Variants in CNN1 observed in about 807,000 individuals in gnomAD.
The protein encoded by CNN1 is calponin-1.
Under a neutral mutation model 35.3 loss-of-function variants are expected in CNN1, and 21 were observed. That is an observed-to-expected ratio of 0.60 (90% CI 0.42 to 0.86). The LOEUF (loss-of-function observed/expected upper bound fraction) is 0.86, where lower values mean the gene tolerates loss of function less well. Among genes scored for constraint, CNN1 ranks in the 40% least tolerant of loss-of-function variants. The probability of loss-of-function intolerance (pLI) is 0.00; values close to 1 mark genes in which losing one functional copy is unlikely to be tolerated. For missense variants in CNN1, 314 were observed against 400.8 expected (o/e 0.78, Z 1.85); for synonymous variants, 164 against 161.8 (o/e 1.01, Z -0.10).
intron 1 of CNN1, chr19:11,540,211 A>C: frequency 3.2e-6 from 1 of 311,280 alleles, no homozygotes; most frequent in Non-Finnish European, 4.7e-6. Flanking sequence ...AGACAGAGAT[A>C]CTGGGAGCCT....
chr19:11,541,153 C>T lies in CNN1; in HGVS notation c.141C>T (p.Gly47=). 1 of 1,606,486 alleles carries T rather than the reference C, an allele frequency of 6.2e-7. No individual in the cohort carries two copies. Among genetic ancestry groups the T allele is most frequent in the Non-Finnish European group, 8.5e-7 (1 of 1,176,186 alleles). The part of the protein sequence containing the change: ...WIEGVTGRRI[G]NNFMDGLKDG... ...AGGGGGTGACAGGCCGTCGCATCGG[C>T]AACAACTTCATGGACGGCCTCAAAG... is the stretch of plus-strand genomic sequence containing the variant. The change falls in exon 2 of 7, where the codon GGC becomes GGT. Residue 47 remains glycine, a synonymous_variant. Coordinates refer to ENST00000252456, the MANE Select transcript of CNN1 (RefSeq NM_001299.6).
At chr19:11,547,720 A>G in intron 4 of CNN1, 77 bp from the exon 5 acceptor site, 2 of 1,206,812 alleles carry the variant, frequency 1.7e-6, no homozygotes, top group South Asian at 1.4e-5. Flanking sequence ...GTCAACAACA[A>G]CAAAAAAACA....
chr19:11,544,550 C>G (rs1972538323), intron 2 of CNN1, among the ~76,000 whole-genome samples: 1 of 151,976 alleles, frequency 6.6e-6, no homozygotes, highest in Admixed American at 6.6e-5. Context: ...TAGCTCACTA[C>G]AGCCTCGACT....
chr19:11,540,590 C>T (rs972539173), intron 1 of CNN1: 3 of 154,402 alleles, frequency 1.9e-5, no homozygotes, highest in African/African-American at 7.3e-5. Flanking sequence ...GAGCTGAAGA[C>T]CTGGGGGACA....
chr19:11,546,550 A>G (rs557360782), intron 2 of CNN1, 125 bp from the exon 3 acceptor site: 143 of 910,182 alleles, frequency 1.6e-4, no homozygotes, highest in East Asian at 1.5e-3. Context: ...TGGCCAGGAT[A>G]GTCTCGCTCT....
intron 1 of CNN1, 86 bp downstream of exon 1, chr19:11,539,076 C>A: frequency 8.1e-7 from 1 of 1,227,332 alleles, no homozygotes; most frequent in Non-Finnish European, 1.1e-6. Flanking sequence ...CCCCCTCCTG[C>A]CTATCCTATG....
chr19:11,539,727 T>G, intron 1 of CNN1: 1 of 851,450 alleles, frequency 1.2e-6, no homozygotes, highest in Non-Finnish European at 1.7e-6. Context: ...ACACTGAGGC[T>G]CAGGGTGGCT....
chr19:11,543,166 C>T (rs561020938), intron 2 of CNN1, among the ~76,000 whole-genome samples: 24 of 152,064 alleles, frequency 1.6e-4, no homozygotes, highest in African/African-American at 5.1e-4. Context: ...GGCAACATAG[C>T]CAGATTCCAT....
At chr19:11,547,559 C>T (rs1191358717) in intron 4 of CNN1, among the ~76,000 whole-genome samples, 2 of 151,870 alleles carry the variant, frequency 1.3e-5, no homozygotes, top group African/African-American at 4.8e-5. Context: ...AACTACAAAA[C>T]AAAATTAGCC....
intron 2 of CNN1, among the ~76,000 whole-genome samples, chr19:11,542,815 C>T (rs1279746460): frequency 6.6e-6 from 1 of 152,120 alleles, no homozygotes; most frequent in African/African-American, 2.4e-5. Flanking sequence ...ACCTTGTGAT[C>T]CACCCACCTC....
intron 2 of CNN1, among the ~76,000 whole-genome samples, chr19:11,541,576 GGTTTTCTTTCT>G (rs1489293287): frequency 2.6e-5 from 4 of 151,958 alleles, no homozygotes; most frequent in Non-Finnish European, 5.9e-5. Context: ...AGGAGGCCCT[GGTTTTCTTTCT>G]GTTTTCTTTT....
In CNN1 at chr19:11,546,904, A is replaced by C. The variant is rs754111847; in HGVS notation, c.325A>C (p.Asn109His). The change falls in exon 4 of 7, where the codon AAC becomes CAC. Residue 109 changes from asparagine (N) to histidine (H), a missense_variant. Physicochemically the swap from Asn to His is moderately conservative, Grantham distance 68. Coordinates refer to ENST00000252456, the MANE Select transcript of CNN1 (RefSeq NM_001299.6). ...GAAGCCCCACGACATTTTTGAGGCCAACGACCTGTTTGAGAACACCAACCA... is the reference window on the plus strand; with the variant it reads ...GAAGCCCCACGACATTTTTGAGGCCCACGACCTGTTTGAGAACACCAACCA... The part of the protein sequence containing the change: ...GVKPHDIFEA[N>H]DLFENTNHTQ... 6.8e-6 allele frequency: 11 copies of C among 1,614,134 alleles called. No homozygotes were observed. Among genetic ancestry groups the C allele is most frequent in the South Asian group, 3.3e-5 (3 of 91,092 alleles).
At chr19:11,539,607 C>A in intron 1 of CNN1, 1 of 778,714 alleles carries the variant, frequency 1.3e-6, no homozygotes, top group African/African-American at 1.8e-5. Flanking sequence ...CCCCATACAC[C>A]AGGATGGGCT....
Position 11,538,869 on chromosome 19 carries a change from G to T in CNN1, c.-59G>T, listed in dbSNP as rs1972396552. 2.9e-6 allele frequency: 4 copies of T among 1,393,092 alleles called. No individual in the cohort carries two copies. The Admixed American group carries it at 1.0e-4, about 35-fold the overall frequency. 86.3% of individuals were successfully genotyped at this position (1,393,092 alleles called of 1,614,324 possible). On this transcript the variant is annotated 5_prime_UTR_variant, in exon 1 of 7. Coordinates refer to ENST00000252456, the MANE Select transcript of CNN1 (RefSeq NM_001299.6). ...AGAGTGTGCAGACGGAACTTCAGCCGCTGCCTCTGTTCTCAGCGTCAGTGC... is the reference window on the plus strand; with the variant it reads ...AGAGTGTGCAGACGGAACTTCAGCCTCTGCCTCTGTTCTCAGCGTCAGTGC...
At chr19:11,546,411 GC>G (rs1568415970) in intron 2 of CNN1, among the ~76,000 whole-genome samples, 1 of 150,458 alleles carries the variant, frequency 6.6e-6, no homozygotes, top group Non-Finnish European at 1.5e-5. Context: ...TGCAATCTCA[GC>G]TCACTGCAAC....
intron 1 of CNN1, chr19:11,539,752 A>G (rs1426761276): frequency 9.5e-7 from 1 of 1,051,042 alleles, no homozygotes; most frequent in Non-Finnish European, 1.3e-6. Context: ...CCAGGGTCCC[A>G]TGGTGAGGAA....
At chr19:11,539,711 AGG>A in intron 1 of CNN1, 1 of 753,370 alleles carries the variant, frequency 1.3e-6, no homozygotes, top group Non-Finnish European at 2.0e-6. Flanking sequence ...CATTTGACAG[AGG>A]GGAACACTGA....
chr19:11,548,124 G>A (rs1404857721), intron 5 of CNN1, among the ~76,000 whole-genome samples: 1 of 152,174 alleles, frequency 6.6e-6, no homozygotes. Flanking sequence ...AGAAAACTGA[G>A]ACCCGGAGAA....
At position 11,546,825 on chromosome 19, in the gene CNN1, C is replaced by G. The variant is rs368596033; in HGVS notation, c.253-7C>G. The G allele has an allele frequency of 3.5e-5, 56 of 1,614,144 alleles. No homozygotes were observed. The highest frequency in any genetic ancestry group is 4.5e-5 in the Non-Finnish European group (53 of 1,180,054). On this transcript the variant is annotated splice_polypyrimidine_tract_variant and splice_region_variant and intron_variant, in intron 3 of 6. Coordinates refer to ENST00000252456, the MANE Select transcript of CNN1 (RefSeq NM_001299.6). ...CCACCCAGTGACCACCACCTGCCCCCCTCTAGCTGGAGAACATCGGCAACT... is the reference window on the plus strand; with the variant it reads ...CCACCCAGTGACCACCACCTGCCCCGCTCTAGCTGGAGAACATCGGCAACT...
Sources: gnomAD v4.1 joint callset for allele counts (sites outside exome capture counted in the v4.1 genomes callset) on GRCh38, gnomAD v4.1.1 for gene constraint, MANE v1.5 for transcripts, NCBI Gene and HGNC (gene_info 2026-07-23, HGNC 2026-07-21) for gene names.